The following PDE8B variants were observed in gnomAD, a reference collection of about 807,000 sequenced individuals.
PDE8B encodes the protein phosphodiesterase 8B.
In PDE8B, 26 loss-of-function variants were observed where a neutral mutation model predicts 101.3. The observed-to-expected ratio is 0.26, with a 90% CI of 0.19 to 0.36. PDE8B has a LOEUF of 0.36. PDE8B is among the 10% of genes least tolerant of loss of function. The probability of loss-of-function intolerance (pLI) is 1.00; values close to 1 mark genes in which losing one functional copy is unlikely to be tolerated. For missense variants in PDE8B, 810 were observed against 1,163.1 expected, an observed-to-expected ratio of 0.70 and a Z score of 4.42; for synonymous variants, 424 against 429.3, an observed-to-expected ratio of 0.99 and a Z score of 0.15.
At chr5:77,219,400 G>A (rs1366305750) in intron 1 of PDE8B, among the ~76,000 whole-genome samples, 1 of 152,096 alleles carries the variant, frequency 6.6e-6, no homozygotes, top group African/African-American at 2.4e-5. Context: ...CTAAATTTTG[G>A]AAATTTTTAT....
intron 6 of PDE8B, among the ~76,000 whole-genome samples, chr5:77,338,783 T>G (rs768934079): frequency 6.6e-6 from 1 of 152,224 alleles, no homozygotes; most frequent in Non-Finnish European, 1.5e-5. Flanking sequence ...TTACTGTGGT[T>G]TAATTCTTCA....
At chr5:77,166,416 G>C in the PDE8B span, among the ~76,000 whole-genome samples, 1 of 152,102 alleles carries the variant, frequency 6.6e-6, no homozygotes, top group African/African-American at 2.4e-5. Context: ...TACACACAGA[G>C]AGGAAAATGA....
At chr5:77,348,649 C>T (rs55932109) in intron 7 of PDE8B, among the ~76,000 whole-genome samples, 34 of 152,286 alleles carry the variant, frequency 2.2e-4, no homozygotes, top group Non-Finnish European at 4.9e-4. Flanking sequence ...GTGCATAATA[C>T]AAGCCGCCAC....
At chr5:77,392,512 A>C (rs771220139) in intron 10 of PDE8B, among the ~76,000 whole-genome samples, 2 of 152,206 alleles carry the variant, frequency 1.3e-5, no homozygotes, top group Non-Finnish European at 2.9e-5. Context: ...TGATAACATC[A>C]AGGTTGTTTG....
chr5:77,296,407 A>G (rs1303696371), intron 1 of PDE8B, among the ~76,000 whole-genome samples: 1 of 151,938 alleles, frequency 6.6e-6, no homozygotes, highest in African/African-American at 2.4e-5. Flanking sequence ...GACTACAGAT[A>G]TACACCACCG....
At chr5:77,315,103 T>G (rs1201676287) in intron 2 of PDE8B, among the ~76,000 whole-genome samples, 1 of 152,158 alleles carries the variant, frequency 6.6e-6, no homozygotes, top group Non-Finnish European at 1.5e-5. Flanking sequence ...GAGAACATTT[T>G]CTCTCAATCC....
the PDE8B span, among the ~76,000 whole-genome samples, chr5:77,096,542 A>G: frequency 6.6e-6 from 1 of 152,168 alleles, no homozygotes; most frequent in African/African-American, 2.4e-5. Context: ...AAGGGGTAGG[A>G]GGAGAAACTC....
intron 1 of PDE8B, among the ~76,000 whole-genome samples, chr5:77,236,325 A>G (rs1754688265): frequency 6.6e-6 from 1 of 152,212 alleles, no homozygotes; most frequent in Non-Finnish European, 1.5e-5. Flanking sequence ...ACTTAAAGCT[A>G]TGAAACTGGA....
Position 77,426,557 on chromosome 5 carries a change from C to T in PDE8B, c.*3C>T, listed in dbSNP as rs373635284. On this transcript the variant is annotated 3_prime_UTR_variant, in exon 22 of 22. Transcript: ENST00000264917. ...TGAGGCTTCCATCTGACAGCTAAAG[C>T]CAAGCCACAGAGGGGGCCTCTTGAC... 3 of 1,540,182 alleles carry T rather than the reference C, an allele frequency of 1.9e-6. No individual in the cohort carries two copies. Among genetic ancestry groups the T allele is most frequent in the Non-Finnish European group, 2.7e-6 (3 of 1,112,928 alleles).
chr5:77,358,240 A>G (rs1245919200), intron 10 of PDE8B, among the ~76,000 whole-genome samples: 2 of 152,178 alleles, frequency 1.3e-5, no homozygotes, highest in East Asian at 3.8e-4. Flanking sequence ...ACAAAATTTC[A>G]ATTTGTCCTA....
At position 77,426,255 on chromosome 5, in the gene PDE8B, G is replaced by GATAAGCAGCTTTTCAA. The variant is rs545920845; in HGVS notation, c.2549-188_2549-173dup. On this transcript the variant is annotated intron_variant, in intron 21 of 21. Coordinates refer to ENST00000264917, the MANE Select transcript of PDE8B (RefSeq NM_003719.5). The stretch of plus-strand genomic sequence containing the variant: ...CACAGGTTCTTCTGATAATGTCACT[G>GATAAGCAGCTTTTCAA]ATAAGCAGCTTTTCAAAAAGGACCT... The GATAAGCAGCTTTTCAA allele has an allele frequency of 5.2e-4, 332 of 633,520 alleles. No individual in the cohort carries two copies. In the African/African-American group the frequency reaches 5.3e-3, roughly 10 times the overall value. The allele number at this position is 633,520 out of a possible 1,614,324, so 39.2% of individuals were successfully genotyped here.
At position 77,351,001 on chromosome 5, in the gene PDE8B, C is replaced by A; in HGVS notation, c.1018-64C>A. 1.1e-5 allele frequency: 13 copies of A among 1,143,438 alleles called. No individual in the cohort carries two copies. The South Asian group carries it at 1.6e-4, about 14-fold the overall frequency. The allele number at this position is 1,143,438 out of a possible 1,614,324, so 70.8% of individuals were successfully genotyped here. On this transcript the variant is annotated intron_variant, in intron 8 of 21. Coordinates refer to ENST00000264917, the MANE Select transcript of PDE8B (RefSeq NM_003719.5). ...AATGTTCCTTCTCAGCCTTCTGAGA[C>A]CCTCTGCAGGAGCAGCTGTCATCCT... is the stretch of plus-strand genomic sequence containing the variant.
the PDE8B span, among the ~76,000 whole-genome samples, chr5:77,171,962 A>G: frequency 6.6e-6 from 1 of 152,232 alleles, no homozygotes; most frequent in Non-Finnish European, 1.5e-5. Flanking sequence ...GGAGGGGCAG[A>G]CAGAGCCTAT....
At position 77,404,730 on chromosome 5, in the gene PDE8B, A is replaced by G. The variant is rs567827723; in HGVS notation, c.1221A>G (p.Ser407=). 31 of 1,590,088 alleles carry G rather than the reference A, an allele frequency of 1.9e-5. No homozygotes were observed. The South Asian group carries it at 3.1e-4, about 16-fold the overall frequency. ...SGDNSQTEPH[S]FRYKNRRKES... ...ATCTGAAATCCTTAGAGCCTCATTC[A>G]TTCAGATATAAGAACAGGAGGAAAG... Residue 407 remains serine (S), a synonymous_variant, in exon 12 of 22, where the codon TCA becomes TCG. Transcript: ENST00000264917.
At chr5:77,301,291 T>C (rs976936212) in intron 1 of PDE8B, among the ~76,000 whole-genome samples, 3 of 152,250 alleles carry the variant, frequency 2.0e-5, no homozygotes, top group African/African-American at 7.2e-5. Context: ...GCAGCATGTA[T>C]AATTGAAATC....
At chr5:77,291,273 G>T in intron 1 of PDE8B, 1 of 1,613,040 alleles carries the variant, frequency 6.2e-7, no homozygotes, top group Admixed American at 1.7e-5. Context: ...GAACCCATGG[G>T]ACCCTAATGT....
chr5:77,140,470 A>G, the PDE8B span: 3 of 152,234 alleles, frequency 2.0e-5, no homozygotes, highest in Non-Finnish European at 4.4e-5. Context: ...TGCAGAGGCT[A>G]CAGTGACATT....
the PDE8B span, among the ~76,000 whole-genome samples, chr5:77,123,493 C>T: frequency 6.6e-6 from 1 of 152,118 alleles, no homozygotes; most frequent in Non-Finnish European, 1.5e-5. Context: ...TGCAGTGGCT[C>T]ACACCTGTAA....
At chr5:77,180,783 A>G in the PDE8B span, among the ~76,000 whole-genome samples, 3 of 152,192 alleles carry the variant, frequency 2.0e-5, no homozygotes, top group Non-Finnish European at 4.4e-5. Flanking sequence ...GCTTCTCAGC[A>G]GGAGCTGGAC....
Sources: gnomAD v4.1 joint callset for allele counts (sites outside exome capture counted in the v4.1 genomes callset) on GRCh38, gnomAD v4.1.1 for gene constraint, MANE v1.5 for transcripts, NCBI Gene and HGNC (gene_info 2026-07-23, HGNC 2026-07-21) for gene names.